FANCC: variants seen among roughly 807,000 people sequenced by gnomAD.
The protein encoded by FANCC is FA complementation group C, also known as Fanconi anemia group C protein.
A neutral mutation model predicts 71.3 loss-of-function variants in FANCC; 55 were observed. The observed-to-expected ratio is 0.77, with a 90% CI of 0.62 to 0.97. FANCC has a LOEUF of 0.97. FANCC is among the 50% of genes least tolerant of loss of function. The pLI is 0.00. For missense variants in FANCC, 678 were observed against 670.9 expected (o/e 1.01, Z -0.12); for synonymous variants, 275 against 244.9 (o/e 1.12, Z -1.15).
chr9:95,204,707 CT>C (rs1828012218), intron 4 of FANCC, among the ~76,000 whole-genome samples: 1 of 152,144 alleles, frequency 6.6e-6, no homozygotes, highest in East Asian at 1.9e-4. Flanking sequence ...TGCCTTACCC[CT>C]ACTCCATCTA....
At chr9:95,268,326 C>A (rs1832516020) in intron 1 of FANCC, among the ~76,000 whole-genome samples, 1 of 152,224 alleles carries the variant, frequency 6.6e-6, no homozygotes. Flanking sequence ...CATGGTATCA[C>A]AACCAACTTC....
intron 1 of FANCC, among the ~76,000 whole-genome samples, chr9:95,302,014 G>A (rs368569344): frequency 8.0e-5 from 12 of 149,298 alleles, no homozygotes; most frequent in South Asian, 2.1e-4. Flanking sequence ...CCCGGGAGGC[G>A]GAGTTTGCAG....
chr9:95,292,357 T>G (rs1834080571), intron 1 of FANCC: 1 of 961,870 alleles, frequency 1.0e-6, no homozygotes, highest in Non-Finnish European at 1.2e-6. Context: ...TCGGAGGCGG[T>G]GGCGGCGGCG....
At chr9:95,273,989 G>A (rs910876757) in intron 1 of FANCC, among the ~76,000 whole-genome samples, 2 of 152,154 alleles carry the variant, frequency 1.3e-5, no homozygotes, top group African/African-American at 4.8e-5. Flanking sequence ...TTTGGATGAA[G>A]TGGTCATAAT....
chr9:95,161,207 T>C (rs1351030301), intron 6 of FANCC, among the ~76,000 whole-genome samples: 1 of 152,178 alleles, frequency 6.6e-6, no homozygotes, highest in African/African-American at 2.4e-5. Context: ...CATTATACAC[T>C]CTTTCTTCTT....
chr9:95,107,755 C>G (rs146837999), intron 13 of FANCC, among the ~76,000 whole-genome samples: 25 of 152,220 alleles, frequency 1.6e-4, no homozygotes, highest in Non-Finnish European at 3.5e-4. Flanking sequence ...CACACATGCA[C>G]GCACGTGTAC....
intron 1 of FANCC, among the ~76,000 whole-genome samples, chr9:95,303,933 G>C (rs1261573181): frequency 6.6e-6 from 1 of 152,168 alleles, no homozygotes; most frequent in Admixed American, 6.5e-5. Flanking sequence ...CGAAAAGACA[G>C]GAGTTTCCAG....
intron 1 of FANCC, among the ~76,000 whole-genome samples, chr9:95,283,241 C>A (rs1354292717): frequency 6.6e-6 from 1 of 152,172 alleles, no homozygotes; most frequent in Non-Finnish European, 1.5e-5. Context: ...GTCACCACAC[C>A]CAGCTGGACT....
intron 1 of FANCC, among the ~76,000 whole-genome samples, chr9:95,251,160 T>C (rs1198021140): frequency 1.3e-5 from 2 of 152,192 alleles, no homozygotes; most frequent in South Asian, 2.1e-4. Flanking sequence ...GGTGTGTAAA[T>C]TCCCTGTCTT....
rs781746980 is a variant in FANCC at position 95,125,087 on chromosome 9, T to G, written c.995A>C (p.Gln332Pro). Residue 332 changes from glutamine to proline, a missense_variant and splice_region_variant, in exon 10 of 15, where the codon CAG becomes CCG. Gln to Pro is a moderately conservative substitution (Grantham distance 76). Coordinates refer to ENST00000289081, the MANE Select transcript of FANCC (RefSeq NM_000136.3). ...AGTAATATATGTGATATAACAAACC[T>G]GCTTGCTTGCTTTCTCCAGAGCTTC... ...FVEALEKASK[Q>P]LRFALKTYFP... 3.7e-6 allele frequency: 6 copies of G among 1,613,370 alleles called. No homozygotes were observed. In the South Asian group the frequency reaches 4.4e-5, roughly 12 times the overall value.
chr9:95,206,901 A>G (rs549734365), intron 4 of FANCC, among the ~76,000 whole-genome samples: 2 of 152,132 alleles, frequency 1.3e-5, no homozygotes, highest in Middle Eastern at 3.2e-3. Context: ...TTCCAGGAGC[A>G]TTATCCCAGG....
intron 4 of FANCC, among the ~76,000 whole-genome samples, chr9:95,173,258 T>A (rs1417939206): frequency 6.6e-6 from 1 of 152,112 alleles, no homozygotes; most frequent in African/African-American, 2.4e-5. Context: ...CAGAGTGCAG[T>A]TGTGAATGGC....
intron 4 of FANCC, among the ~76,000 whole-genome samples, chr9:95,180,641 C>CG (rs1554844268): frequency 6.9e-6 from 1 of 144,414 alleles, no homozygotes; most frequent in African/African-American, 2.5e-5. Context: ...ATCTGGCCAA[C>CG]TTTTTTTTTT....
At chr9:95,109,857 C>G (rs1397394286) in intron 13 of FANCC, 1 of 152,236 alleles carries the variant, frequency 6.6e-6, no homozygotes, top group African/African-American at 2.4e-5. Context: ...CTCAAGCCTC[C>G]CAACAGACCA....
At chr9:95,170,194 T>C (rs1825573503) in intron 6 of FANCC, among the ~76,000 whole-genome samples, 1 of 152,142 alleles carries the variant, frequency 6.6e-6, no homozygotes, top group Non-Finnish European at 1.5e-5. Flanking sequence ...AATCCAAGTC[T>C]TTACCTGACA....
chr9:95,175,331 T>C (rs150236621), intron 4 of FANCC, among the ~76,000 whole-genome samples: 45 of 152,244 alleles, frequency 3.0e-4, no homozygotes, highest in African/African-American at 8.4e-4. Flanking sequence ...CCCAGTAATA[T>C]GTACTACATG....
intron 1 of FANCC, among the ~76,000 whole-genome samples, chr9:95,310,691 G>A (rs531518814): frequency 6.6e-6 from 1 of 152,128 alleles, no homozygotes; most frequent in South Asian, 2.1e-4. Flanking sequence ...CCAGGAGCTA[G>A]AGGTAGTATC....
intron 8 of FANCC, chr9:95,126,928 T>C (rs1308335468): frequency 4.7e-5 from 15 of 320,840 alleles, no homozygotes; most frequent in Non-Finnish European, 9.0e-5. Flanking sequence ...GTACTGCCAG[T>C]TCTACTGAAG....
In FANCC at chr9:95,172,075, A is replaced by AC. The variant is rs751929181; in HGVS notation, c.417dup (p.Tyr140ValfsTer12). ...CCAGGATAGTAATCTATAGGTGCAT[A>AC]CCCAAGACCTTGAGTGAAAAGAGCA... On this transcript the variant is annotated frameshift_variant, in exon 5 of 15. Transcript: ENST00000289081. LOFTEE classifies it high-confidence loss of function. 3.1e-6 allele frequency: 5 copies of AC among 1,613,050 alleles called. No homozygotes were observed. Among genetic ancestry groups the AC allele is most frequent in the Non-Finnish European group, 4.2e-6 (5 of 1,179,124 alleles).
Sources: allele counts gnomAD v4.1 joint callset (sites outside exome capture counted in the v4.1 genomes callset), GRCh38; gene constraint gnomAD v4.1.1; transcripts MANE v1.5; gene names NCBI Gene and HGNC (gene_info 2026-07-23, HGNC 2026-07-21).